Variants in COL26A1 observed in about 807,000 individuals in gnomAD.
COL26A1 encodes collagen type XXVI alpha 1 chain.
In COL26A1, 41 loss-of-function variants were observed where a neutral mutation model predicts 59.3. The observed-to-expected ratio is 0.69, with a 90% CI of 0.54 to 0.90. The LOEUF (loss-of-function observed/expected upper bound fraction) is 0.90. Among genes scored for constraint, COL26A1 ranks in the 40% least tolerant of loss-of-function variants. The pLI is 0.00. For synonymous variants in COL26A1, 266 were observed against 256.0 expected (o/e 1.04, Z -0.37); for missense variants, 612 against 602.3 (o/e 1.02, Z -0.17).
chr7:101,439,502 C>T (rs1259470718), intron 2 of COL26A1, among the ~76,000 whole-genome samples: 4 of 138,514 alleles, frequency 2.9e-5, no homozygotes, highest in African/African-American at 7.8e-5. Context: ...TGCAGTGAGC[C>T]GAGATTGTGC....
chr7:101,392,361 C>T (rs1205407330), intron 1 of COL26A1, among the ~76,000 whole-genome samples: 2 of 150,130 alleles, frequency 1.3e-5, no homozygotes, highest in Non-Finnish European at 3.0e-5. Context: ...CAGGTGCCTT[C>T]CGTACCAGCT....
At chr7:101,404,409 GGT>G (rs1406030983) in intron 1 of COL26A1, among the ~76,000 whole-genome samples, 2 of 152,070 alleles carry the variant, frequency 1.3e-5, no homozygotes, top group South Asian at 2.1e-4. Context: ...GGAGACACTT[GGT>G]GTCCTGGTTG....
intron 3 of COL26A1, among the ~76,000 whole-genome samples, chr7:101,497,585 A>T (rs1445730284): frequency 6.6e-6 from 1 of 152,054 alleles, no homozygotes; most frequent in Non-Finnish European, 1.5e-5. Context: ...CTGAGGTGGG[A>T]AGATTACTTG....
intron 3 of COL26A1, among the ~76,000 whole-genome samples, chr7:101,489,601 TTTTCTTTCTTTCTTTC>T (rs1177502295): frequency 9.1e-4 from 96 of 105,228 alleles, no homozygotes; most frequent in Admixed American, 3.0e-3. Flanking sequence ...TTTTCTTTCT[TTTTCTTTCTTTCTTTC>T]TTTCTTTCTT....
chr7:101,547,779 TCATTCATTCATTCATTTGTC>T (rs1795770398), intron 8 of COL26A1, among the ~76,000 whole-genome samples: 1 of 145,408 alleles, frequency 6.9e-6, no homozygotes, highest in Admixed American at 6.7e-5. Context: ...ATTCATTCGT[TCATTCATTCATTCATTTGTC>T]CATTCATTCA....
At chr7:101,469,978 A>G (rs1486070477) in intron 3 of COL26A1, among the ~76,000 whole-genome samples, 2 of 152,118 alleles carry the variant, frequency 1.3e-5, no homozygotes, top group Non-Finnish European at 2.9e-5. Context: ...TCTCACGACC[A>G]TGGGCAACTA....
chr7:101,501,185 C>CAAAA (rs58672929), intron 3 of COL26A1, among the ~76,000 whole-genome samples: 58 of 74,374 alleles, frequency 7.8e-4, no homozygotes, highest in African/African-American at 2.5e-3. Flanking sequence ...GACTCCGTCT[C>CAAAA]AAAAAAAAAA....
chr7:101,502,405 C>A lies in COL26A1; in HGVS notation c.386-30677C>A, dbSNP rs186361549. Among the ~76,000 whole-genome samples, 143 of 152,330 alleles carry A rather than the reference C, an allele frequency of 9.4e-4. 1 individual carries two copies. The highest frequency in any genetic ancestry group is 1.7e-3 in the Non-Finnish European group (117 of 68,030). On this transcript the variant is annotated intron_variant, in intron 3 of 12. Transcript: ENST00000313669. ...CAGCTATGCTCAAGAAAAATACACA[C>A]GGAATATATTGCCCCTTCCAAAGCC...
intron 3 of COL26A1, among the ~76,000 whole-genome samples, chr7:101,473,249 T>C (rs1016850831): frequency 6.6e-6 from 1 of 150,958 alleles, no homozygotes; most frequent in South Asian, 2.1e-4. Context: ...CTGGCTAATT[T>C]TTTGTATTTT....
intron 2 of COL26A1, among the ~76,000 whole-genome samples, chr7:101,434,740 G>A (rs1027361603): frequency 2.6e-5 from 4 of 152,156 alleles, no homozygotes; most frequent in Admixed American, 1.3e-4. Flanking sequence ...TGCCTGCTCC[G>A]GTTGGGTGTA....
intron 3 of COL26A1, among the ~76,000 whole-genome samples, chr7:101,462,143 G>A (rs754322168): frequency 2.0e-5 from 3 of 151,530 alleles, no homozygotes; most frequent in Non-Finnish European, 4.4e-5. Context: ...GAGACTACAG[G>A]TGCCCGCCTC....
At chr7:101,517,062 G>C (rs1795043242) in intron 3 of COL26A1, among the ~76,000 whole-genome samples, 1 of 152,108 alleles carries the variant, frequency 6.6e-6, no homozygotes, top group South Asian at 2.1e-4. Context: ...TCCTGAGTCT[G>C]ACCCTGAGAC....
At chr7:101,405,585 ATCC>A (rs1792110582) in intron 1 of COL26A1, among the ~76,000 whole-genome samples, 2 of 151,866 alleles carry the variant, frequency 1.3e-5, no homozygotes, top group South Asian at 4.2e-4. Flanking sequence ...TCCTAAAATG[ATCC>A]TCCTTAAATG....
chr7:101,551,073 G>A (rs577155594), intron 9 of COL26A1, 35 bp from the exon 10 acceptor site: 337 of 1,551,690 alleles, frequency 2.2e-4, no homozygotes, highest in South Asian at 6.1e-4. Flanking sequence ...GGCCAGGACC[G>A]GCAGGCCTCA....
intron 4 of COL26A1, among the ~76,000 whole-genome samples, 183 bp downstream of exon 4, chr7:101,533,326 C>A (rs750350469): frequency 6.6e-5 from 10 of 152,112 alleles, no homozygotes; most frequent in Non-Finnish European, 1.0e-4. Context: ...GGGTGGCCTT[C>A]TTGGGCTGGG....
At chr7:101,389,665 C>T (rs113916207) in intron 1 of COL26A1, among the ~76,000 whole-genome samples, 9,357 of 152,130 alleles carry the variant, frequency 0.062, 656 homozygotes, top group African/African-American at 0.16. Flanking sequence ...AAGAAATTCT[C>T]GTGCCTCAGC....
chr7:101,405,037 C>T (rs757227952), intron 1 of COL26A1, among the ~76,000 whole-genome samples: 1 of 152,160 alleles, frequency 6.6e-6, no homozygotes, highest in Non-Finnish European at 1.5e-5. Flanking sequence ...TCCTGGCTAA[C>T]ACGGTGAAAC....
intron 10 of COL26A1, among the ~76,000 whole-genome samples, chr7:101,552,658 G>A (rs1441199757): frequency 2.0e-5 from 3 of 152,160 alleles, no homozygotes; most frequent in Non-Finnish European, 4.4e-5. Context: ...TGTAATCCCA[G>A]CACTTTGGGA....
chr7:101,381,629 GC>G (rs1562955630), intron 1 of COL26A1, among the ~76,000 whole-genome samples: 1 of 152,170 alleles, frequency 6.6e-6, no homozygotes, highest in African/African-American at 2.4e-5. Flanking sequence ...TAAACTCTAA[GC>G]CTCAAGCCCT....
Sources: allele counts gnomAD v4.1 joint callset (sites outside exome capture counted in the v4.1 genomes callset), GRCh38; gene constraint gnomAD v4.1.1; transcripts MANE v1.5; gene names NCBI Gene and HGNC (gene_info 2026-07-23, HGNC 2026-07-21).